The following DNAL1 variants were observed in gnomAD, a reference collection of about 807,000 sequenced individuals.
DNAL1 encodes dynein axonemal light chain 1.
A neutral mutation model predicts 29.4 loss-of-function variants in DNAL1; 17 were observed. The ratio of observed to expected loss-of-function variants is 0.58; its 90% confidence interval spans 0.40 to 0.87. The LOEUF is 0.87. Among genes scored for constraint, DNAL1 ranks in the 40% least tolerant of loss-of-function variants. DNAL1 has a pLI of 0.00. For synonymous variants in DNAL1, 78 were observed against 76.3 expected (o/e 1.02, Z -0.12); for missense variants, 188 against 214.1 (o/e 0.88, Z 0.76).
intron 2 of DNAL1, among the ~76,000 whole-genome samples, chr14:73,657,374 T>C (rs1200907529): frequency 2.6e-5 from 4 of 152,018 alleles, no homozygotes; most frequent in African/African-American, 9.7e-5. Context: ...AGAAATGAGG[T>C]CTTGCTATGT....
At chr14:73,668,709 C>T (rs182997096) in intron 4 of DNAL1, among the ~76,000 whole-genome samples, 1 of 152,162 alleles carries the variant, frequency 6.6e-6, no homozygotes, top group Non-Finnish European at 1.5e-5. Flanking sequence ...CAGAGCCTTG[C>T]TCTATCACCC....
intron 7 of DNAL1, among the ~76,000 whole-genome samples, chr14:73,691,470 A>T (rs1181727637): frequency 6.6e-6 from 1 of 151,810 alleles, no homozygotes; most frequent in Non-Finnish European, 1.5e-5. Flanking sequence ...AATTGCTTGA[A>T]CCTGGGAGGC....
chr14:73,658,715 A>T, intron 2 of DNAL1, 132 bp from the exon 3 acceptor site: 1 of 567,672 alleles, frequency 1.8e-6, no homozygotes, highest in Non-Finnish European at 3.0e-6. Context: ...AATGGTAAAG[A>T]ATTATTAAAC....
intron 5 of DNAL1, among the ~76,000 whole-genome samples, chr14:73,680,124 C>CATTT (rs1454181017): frequency 6.6e-6 from 1 of 152,116 alleles, no homozygotes; most frequent in Non-Finnish European, 1.5e-5. Flanking sequence ...TATTTGTGGG[C>CATTT]ATTTACTCTT....
rs1385208482 is a variant in DNAL1 at position 73,687,376 on chromosome 14, A to G, written c.382A>G (p.Lys128Glu). The change falls in exon 6 of 8, where the codon AAA becomes GAA. Residue 128 changes from lysine (K) to glutamate (E), a missense_variant. By Grantham distance (56) the Lys-to-Glu change is moderately conservative. Transcript: ENST00000553645. ...TCTCTACATGTCTAATAACCTGGTAAAAGACTGGGGTAAGCTGAGAGTGGC... is the reference window on the plus strand; with the variant it reads ...TCTCTACATGTCTAATAACCTGGTAGAAGACTGGGGTAAGCTGAGAGTGGC... ...KILYMSNNLV[K>E]DWAEFVKLAE... The G allele has an allele frequency of 3.1e-6, 5 of 1,601,662 alleles. No homozygotes were observed. The African/African-American group carries it at 6.7e-5, about 22-fold the overall frequency.
At chr14:73,674,199 C>T (rs1891677012) in intron 5 of DNAL1, among the ~76,000 whole-genome samples, 1 of 152,168 alleles carries the variant, frequency 6.6e-6, no homozygotes, top group African/African-American at 2.4e-5. Flanking sequence ...TTGATAATCT[C>T]TAGTGACTGG....
chr14:73,653,323 T>G (rs1344250595), intron 1 of DNAL1: 2 of 152,182 alleles, frequency 1.3e-5, no homozygotes, highest in African/African-American at 4.8e-5. Flanking sequence ...AGTAAGCAGA[T>G]GGCTGTTTGG....
intron 4 of DNAL1, among the ~76,000 whole-genome samples, chr14:73,669,567 G>A (rs796122242): frequency 8.5e-5 from 13 of 152,262 alleles, no homozygotes; most frequent in African/African-American, 2.9e-4. Context: ...GAGCCACCAC[G>A]CCCGGTCTAA....
chr14:73,661,205 C>G (rs1891347849), intron 3 of DNAL1, among the ~76,000 whole-genome samples: 2 of 152,084 alleles, frequency 1.3e-5, no homozygotes, highest in South Asian at 2.1e-4. Context: ...GGTTTTTAAA[C>G]TATGTATCAT....
chr14:73,661,851 T>C, intron 3 of DNAL1, 136 bp from the exon 4 acceptor site: 1 of 573,298 alleles, frequency 1.7e-6, no homozygotes, highest in Non-Finnish European at 3.0e-6. Flanking sequence ...GATTTCAAAA[T>C]GAAGTAATAA....
At chr14:73,660,809 GAGA>G (rs1183133054) in intron 3 of DNAL1, among the ~76,000 whole-genome samples, 6 of 152,254 alleles carry the variant, frequency 3.9e-5, no homozygotes, top group Admixed American at 3.9e-4. Flanking sequence ...AAACAAATTT[GAGA>G]AGGTTTTATA....
intron 4 of DNAL1, among the ~76,000 whole-genome samples, chr14:73,662,823 TTTTGC>T (rs1170558390): frequency 7.1e-6 from 1 of 140,690 alleles, no homozygotes. Context: ...TTTTTTTTTT[TTTTGC>T]CATATAAGGT....
chr14:73,687,114 AC>A, intron 5 of DNAL1, 144 bp from the exon 6 acceptor site: 1 of 916,354 alleles, frequency 1.1e-6, no homozygotes, highest in African/African-American at 1.7e-5. Flanking sequence ...GAAAAAAAAA[AC>A]CTCCCACACA....
At chr14:73,649,183 C>A (rs886985882) in intron 1 of DNAL1, among the ~76,000 whole-genome samples, 8 of 151,808 alleles carry the variant, frequency 5.3e-5, no homozygotes, top group Non-Finnish European at 1.2e-4. Context: ...CCCATGTTGA[C>A]CAGGCTGGTC....
chr14:73,671,289 C>A (rs1215913433), intron 4 of DNAL1, among the ~76,000 whole-genome samples: 1 of 152,046 alleles, frequency 6.6e-6, no homozygotes, highest in Non-Finnish European at 1.5e-5. Context: ...AATTTAAGAC[C>A]ATGTGTTCCA....
chr14:73,645,567 A>C (rs1025514700), intron 1 of DNAL1, among the ~76,000 whole-genome samples: 2 of 152,172 alleles, frequency 1.3e-5, no homozygotes, highest in African/African-American at 4.8e-5. Context: ...TAGAGCAGTG[A>C]TTCTCAAATT....
intron 1 of DNAL1, among the ~76,000 whole-genome samples, chr14:73,648,858 T>C (rs1295824875): frequency 6.6e-6 from 1 of 151,240 alleles, no homozygotes; most frequent in East Asian, 1.9e-4. Flanking sequence ...ATTGGTTTCA[T>C]GTTGAAAATA....
rs1892468567 is a variant in DNAL1, at chr14:73,702,797, TTATGAGGATACATTTCTTGCTGCTG to T, written c.*6857_*6881del. On this transcript the variant is annotated 3_prime_UTR_variant, in exon 8 of 8. Coordinates refer to ENST00000553645, the MANE Select transcript of DNAL1 (RefSeq NM_031427.4). ...TCTACTTCTTATTCCAGTTGTTTGA[TTATGAGGATACATTTCTTGCTGCTG>T]TCCTCCACTAAACAGCAGACAAATT... is the stretch of plus-strand genomic sequence containing the variant. 6.6e-6 allele frequency: 1 copy of T among 152,206 alleles called. No individual in the cohort carries two copies. 9.4% of individuals were successfully genotyped at this position (152,206 alleles called of 1,614,324 possible).
chr14:73,675,202 TCA>T (rs1891702413), intron 5 of DNAL1, among the ~76,000 whole-genome samples: 1 of 144,960 alleles, frequency 6.9e-6, no homozygotes, highest in Non-Finnish European at 1.6e-5. Flanking sequence ...TCTCTCTCTC[TCA>T]CACACAAACA....
Sources: allele counts gnomAD v4.1 joint callset (sites outside exome capture counted in the v4.1 genomes callset), GRCh38; gene constraint gnomAD v4.1.1; transcripts MANE v1.5; gene names NCBI Gene and HGNC (gene_info 2026-07-23, HGNC 2026-07-21).